ZMIZ1: variants seen among roughly 807,000 people sequenced by gnomAD.
ZMIZ1 encodes zinc finger MIZ domain-containing protein 1.
ZMIZ1 carries 17 observed loss-of-function variants against 113.9 expected under a neutral mutation model. The ratio of observed to expected loss-of-function variants is 0.15; its 90% CI spans 0.10 to 0.22. ZMIZ1 has a LOEUF of 0.22. Among genes scored for constraint, ZMIZ1 ranks in the 10% least tolerant of loss-of-function variants. The probability of loss-of-function intolerance (pLI) is 1.00; values close to 1 mark genes in which losing one functional copy is unlikely to be tolerated. For missense variants in ZMIZ1, 1,059 were observed against 1,477.8 expected (o/e 0.72, Z 4.65); for synonymous variants, 607 against 603.1 (o/e 1.01, Z -0.09).
intron 2 of ZMIZ1, among the ~76,000 whole-genome samples, chr10:79,135,900 G>A (rs983009831): frequency 1.4e-5 from 2 of 145,980 alleles, no homozygotes; most frequent in African/African-American, 2.5e-5. Flanking sequence ...CCACCCACCC[G>A]CCGCCGCTGT....
At chr10:79,116,119 A>G (rs1844014924) in intron 1 of ZMIZ1, among the ~76,000 whole-genome samples, 1 of 151,818 alleles carries the variant, frequency 6.6e-6, no homozygotes, top group Non-Finnish European at 1.5e-5. Flanking sequence ...GTAGCCCCTT[A>G]CTGCACCCCC....
chr10:79,071,982 G>T (rs894524765), intron 1 of ZMIZ1, among the ~76,000 whole-genome samples: 1 of 151,526 alleles, frequency 6.6e-6, no homozygotes, highest in Non-Finnish European at 1.5e-5. Flanking sequence ...GGGGCTGGGT[G>T]GGGGGAGGAG....
intron 13 of ZMIZ1, among the ~76,000 whole-genome samples, 190 bp from the exon 14 acceptor site, chr10:79,297,423 T>C (rs558386418): frequency 4.7e-4 from 72 of 152,344 alleles, no homozygotes; most frequent in Non-Finnish European, 7.9e-4. Context: ...AATTAATAGC[T>C]AGGGACAGAG....
intron 7 of ZMIZ1, among the ~76,000 whole-genome samples, chr10:79,275,712 C>T (rs1852245626): frequency 2.0e-5 from 3 of 152,356 alleles, no homozygotes; most frequent in Admixed American, 6.5e-5. Flanking sequence ...CTCCTCCCCA[C>T]CTTCTGGTCC....
intron 4 of ZMIZ1, among the ~76,000 whole-genome samples, chr10:79,168,197 G>A (rs1448569554): frequency 6.6e-6 from 1 of 152,214 alleles, no homozygotes; most frequent in Non-Finnish European, 1.5e-5. Context: ...AGTGTGGCAG[G>A]GAGTCATGGA....
At chr10:79,114,667 TC>T (rs1266094777) in intron 1 of ZMIZ1, among the ~76,000 whole-genome samples, 1 of 152,116 alleles carries the variant, frequency 6.6e-6, no homozygotes, top group East Asian at 1.9e-4. Context: ...AGCACCCCCC[TC>T]CACAAATGCT....
At chr10:79,094,235 GTT>G (rs140885958) in intron 1 of ZMIZ1, among the ~76,000 whole-genome samples, 1,524 of 152,330 alleles carry the variant, frequency 0.01, 34 homozygotes, top group African/African-American at 0.035. Flanking sequence ...AGCCGGGCCT[GTT>G]TACCGAGGCT....
intron 7 of ZMIZ1, among the ~76,000 whole-genome samples, chr10:79,273,893 G>C (rs919364784): frequency 2.0e-5 from 3 of 152,286 alleles, no homozygotes; most frequent in African/African-American, 7.2e-5. Context: ...GGAGCACCAG[G>C]CAGGAGGCCA....
chr10:79,306,001 C>T (rs887635314), intron 21 of ZMIZ1, 99 bp from the exon 22 acceptor site: 10 of 1,529,422 alleles, frequency 6.5e-6, no homozygotes, highest in Admixed American at 1.9e-5. Flanking sequence ...GAGCAGGGGC[C>T]TCAACAAGGT....
intron 10 of ZMIZ1, among the ~76,000 whole-genome samples, chr10:79,291,712 A>C (rs531231123): frequency 3.4e-4 from 52 of 151,938 alleles, no homozygotes; most frequent in African/African-American, 1.0e-3. Context: ...TCCTCTTTCC[A>C]CCCCGCCCTG....
chr10:79,305,266 A>C (rs1162932756), intron 20 of ZMIZ1, 35 bp downstream of exon 20: 3 of 1,610,918 alleles, frequency 1.9e-6, no homozygotes, highest in Non-Finnish European at 2.5e-6. Context: ...GGCTTCCCCC[A>C]TCCCCCAACC....
intron 7 of ZMIZ1, among the ~76,000 whole-genome samples, chr10:79,272,595 C>T (rs1025023128): frequency 6.6e-6 from 1 of 152,238 alleles, no homozygotes; most frequent in African/African-American, 2.4e-5. Flanking sequence ...CTAGCCTCGC[C>T]TGCTTCACCG....
chr10:79,118,886 C>T lies in ZMIZ1; in HGVS notation c.-336-29C>T, dbSNP rs1298602948. 1 of 152,392 alleles carries T rather than the reference C, an allele frequency of 6.6e-6. No homozygotes were observed. The highest frequency in any genetic ancestry group is 1.9e-4 in the East Asian group (1 of 5,292). The allele number at this position is 152,392 out of a possible 1,614,324, so 9.4% of individuals were successfully genotyped here. On this transcript the variant is annotated intron_variant, in intron 1 of 24. Coordinates refer to ENST00000334512, the MANE Select transcript of ZMIZ1 (RefSeq NM_020338.4). This position sits in a 1 kb window ranked among gnomAD's most constrained non-coding sequence, Gnocchi z 4.1. ...CTGCCCGCAGGGTCAGAGCTTGGAG[C>T]TCACTGCCCCCTTTCTTGTCTCCCA...
At chr10:79,099,673 G>A (rs1843292470) in intron 1 of ZMIZ1, among the ~76,000 whole-genome samples, 1 of 152,190 alleles carries the variant, frequency 6.6e-6, no homozygotes, top group African/African-American at 2.4e-5. Context: ...CTTGTTGGGT[G>A]GTGGAGGATA....
chr10:79,217,150 G>A (rs896104400), intron 7 of ZMIZ1, among the ~76,000 whole-genome samples: 2 of 152,246 alleles, frequency 1.3e-5, no homozygotes, highest in Non-Finnish European at 2.9e-5. Flanking sequence ...CAGGCCGGGC[G>A]CGGTGGCTCA....
At chr10:79,264,147 TGTG>T (rs1851439982) in intron 7 of ZMIZ1, among the ~76,000 whole-genome samples, 1 of 152,120 alleles carries the variant, frequency 6.6e-6, no homozygotes, top group Non-Finnish European at 1.5e-5. Context: ...GGCATGCGGG[TGTG>T]GCTCAGTTCT....
At chr10:79,134,259 G>A (rs540253664) in intron 2 of ZMIZ1, among the ~76,000 whole-genome samples, 17 of 152,178 alleles carry the variant, frequency 1.1e-4, no homozygotes, top group Admixed American at 5.9e-4. Context: ...GGAACCTGTG[G>A]CTCACTCACC....
At chr10:79,258,883 T>G (rs1851085961) in intron 7 of ZMIZ1, among the ~76,000 whole-genome samples, 1 of 152,310 alleles carries the variant, frequency 6.6e-6, no homozygotes. Context: ...GCTGAAACTT[T>G]GGGGCGAACT....
rs2132093115 is a variant in ZMIZ1 at position 79,307,340 on chromosome 10, T to G, written c.2669-65T>G. The G allele has an allele frequency of 1.8e-5, 27 of 1,507,176 alleles. No homozygotes were observed. In the South Asian group the frequency reaches 2.9e-4, roughly 16 times the overall value. The allele number at this position is 1,507,176 out of a possible 1,614,324, so 93.4% of individuals were successfully genotyped here. A position where few individuals can be genotyped will look rare whatever the true frequency, so the allele number is the denominator to read the frequency against. ...GGCTTGTATTTTTACACACTCTCTG[T>G]TCCCTGGGGGTGGCCACTATCCCTC... On this transcript the variant is annotated intron_variant, in intron 22 of 24. Coordinates refer to ENST00000334512, the MANE Select transcript of ZMIZ1 (RefSeq NM_020338.4).
Sources: allele counts gnomAD v4.1 joint callset (sites outside exome capture counted in the v4.1 genomes callset), GRCh38; gene constraint gnomAD v4.1.1; non-coding constraint Gnocchi (gnomAD v3.1); transcripts MANE v1.5; gene names NCBI Gene and HGNC (gene_info 2026-07-23, HGNC 2026-07-21).